The following SDK1 variants were observed in gnomAD, a reference collection of about 807,000 sequenced individuals.
SDK1 encodes the protein sidekick cell adhesion molecule 1.
Under a neutral mutation model 245.5 loss-of-function variants are expected in SDK1, and 157 were observed. The ratio of observed to expected loss-of-function variants is 0.64; its 90% CI spans 0.56 to 0.73. The LOEUF (loss-of-function observed/expected upper bound fraction) is 0.73, where lower values mean the gene tolerates loss of function less well. SDK1 is among the 30% of genes least tolerant of loss of function. SDK1 has a pLI of 0.00. For synonymous variants in SDK1, 1,647 were observed against 1,278.5 expected (o/e 1.29, Z -6.15); for missense variants, 3,583 against 3,002.3 (o/e 1.19, Z -4.52).
At chr7:3,960,749 G>A (rs1326037104) in intron 8 of SDK1, among the ~76,000 whole-genome samples, 3 of 152,182 alleles carry the variant, frequency 2.0e-5, no homozygotes, top group Non-Finnish European at 2.9e-5. Flanking sequence ...GCATAGGGGA[G>A]GGGGAAAAAG....
intron 1 of SDK1, among the ~76,000 whole-genome samples, chr7:3,370,958 G>A (rs1307316489): frequency 6.6e-6 from 1 of 152,040 alleles, no homozygotes; most frequent in African/African-American, 2.4e-5. Flanking sequence ...ATGCAGCCCC[G>A]CAGCAGGAGG....
chr7:3,397,574 C>G (rs1057232097), intron 1 of SDK1, among the ~76,000 whole-genome samples: 2 of 151,700 alleles, frequency 1.3e-5, no homozygotes, highest in South Asian at 2.1e-4. Context: ...AGAGGATTCC[C>G]TGTAATATGC....
chr7:3,515,211 C>G (rs957554423), intron 1 of SDK1, among the ~76,000 whole-genome samples: 3 of 152,144 alleles, frequency 2.0e-5, no homozygotes, highest in Non-Finnish European at 4.4e-5. Flanking sequence ...CAACTGAATA[C>G]TGACTCTGAG....
At chr7:4,236,561 C>G (rs1010514810) in intron 41 of SDK1, among the ~76,000 whole-genome samples, 8 of 152,042 alleles carry the variant, frequency 5.3e-5, no homozygotes, top group Non-Finnish European at 8.8e-5. Flanking sequence ...ACACACAGTG[C>G]GTGTTTGCGG....
rs140842734 is a variant in SDK1 at position 3,558,447 on chromosome 7, G to C, written c.299-60633G>C. 2.6e-5 allele frequency among the ~76,000 whole-genome samples: 4 copies of C among 152,332 alleles called. No homozygotes were observed. In the East Asian group the frequency reaches 7.7e-4, roughly 29 times the overall value. On this transcript the variant is annotated intron_variant, in intron 1 of 44. Transcript: ENST00000404826. ...TGAAGGAAATAACTTCTGTATTCCA[G>C]GATTTGTTTGAAAAGATCATAGAGA...
At chr7:3,977,091 T>TGAGGCTGC (rs1782997136) in intron 13 of SDK1, among the ~76,000 whole-genome samples, 1 of 15,842 alleles carries the variant, frequency 6.3e-5, no homozygotes, top group Non-Finnish European at 1.1e-4. Flanking sequence ...GTCCCGGGGC[T>TGAGGCTGC]GAGGCTGCCA....
In SDK1 at chr7:3,571,793, C is replaced by T; in HGVS notation, c.299-47287C>T. Reference sequence around the variant, plus strand: ...AATTTTTAACTTGGATGGAGCAGTTCCAGCATGAGTTATGACGAAGTGTCT... The same window carrying T: ...AATTTTTAACTTGGATGGAGCAGTTTCAGCATGAGTTATGACGAAGTGTCT... On this transcript the variant is annotated intron_variant, in intron 1 of 44. Coordinates refer to ENST00000404826, the MANE Select transcript of SDK1 (RefSeq NM_152744.4). Among the ~76,000 whole-genome samples the T allele has an allele frequency of 1.3e-5, 2 of 151,956 alleles. 1 individual carries two copies. Among genetic ancestry groups the T allele is most frequent in the Non-Finnish European group, 2.9e-5 (2 of 67,950 alleles).
intron 1 of SDK1, among the ~76,000 whole-genome samples, chr7:3,306,739 C>G (rs1779426002): frequency 6.6e-6 from 1 of 152,082 alleles, no homozygotes. Context: ...TCCTCAGAGC[C>G]CCTGTATTGC....
chr7:4,058,621 A>C, intron 19 of SDK1, among the ~76,000 whole-genome samples: 1 of 152,220 alleles, frequency 6.6e-6, no homozygotes, highest in East Asian at 1.9e-4. Context: ...CTCACTTATA[A>C]GAGAACCCCC....
chr7:3,647,193 G>T (rs905347264), intron 4 of SDK1, among the ~76,000 whole-genome samples: 7 of 152,254 alleles, frequency 4.6e-5, no homozygotes, highest in African/African-American at 1.7e-4. Context: ...TGAAGCTGCA[G>T]TGAGCTGTGA....
intron 28 of SDK1, among the ~76,000 whole-genome samples, chr7:4,136,882 C>T (rs189320683): frequency 6.6e-6 from 1 of 152,362 alleles, no homozygotes; most frequent in East Asian, 1.9e-4. Flanking sequence ...ATCCCCAGCC[C>T]TTGGATGGAT....
At chr7:4,144,107 C>G (rs965876199) in intron 28 of SDK1, among the ~76,000 whole-genome samples, 5 of 149,978 alleles carry the variant, frequency 3.3e-5, no homozygotes, top group African/African-American at 1.2e-4. Flanking sequence ...TCCCTACTCT[C>G]ACTACACAGG....
At chr7:3,850,515 C>G (rs1245157584) in intron 5 of SDK1, among the ~76,000 whole-genome samples, 1 of 152,048 alleles carries the variant, frequency 6.6e-6, no homozygotes, top group Non-Finnish European at 1.5e-5. Context: ...GGGTATATAC[C>G]CAAATGATTA....
intron 4 of SDK1, among the ~76,000 whole-genome samples, chr7:3,781,274 C>G (rs376619708): frequency 2.6e-5 from 4 of 152,102 alleles, no homozygotes; most frequent in Non-Finnish European, 5.9e-5. Flanking sequence ...ACTTAGCCAG[C>G]AATCTCATCA....
chr7:3,733,060 T>G (rs1378927593), intron 4 of SDK1, among the ~76,000 whole-genome samples: 1 of 152,222 alleles, frequency 6.6e-6, no homozygotes, highest in African/African-American at 2.4e-5. Context: ...TCATTATTGC[T>G]TATCACCAAT....
At chr7:3,587,999 G>A (rs1038710961) in intron 1 of SDK1, among the ~76,000 whole-genome samples, 1 of 152,180 alleles carries the variant, frequency 6.6e-6, no homozygotes. Flanking sequence ...GAAAAGCTGC[G>A]GGTAAATCAA....
At chr7:3,836,998 G>T (rs1261384534) in intron 5 of SDK1, among the ~76,000 whole-genome samples, 1 of 152,112 alleles carries the variant, frequency 6.6e-6, no homozygotes, top group Non-Finnish European at 1.5e-5. Context: ...GCTTTAGAGA[G>T]CTCTGGTGTC....
At chr7:3,736,695 G>C (rs972891323) in intron 4 of SDK1, among the ~76,000 whole-genome samples, 3 of 152,138 alleles carry the variant, frequency 2.0e-5, no homozygotes, top group South Asian at 2.1e-4. Flanking sequence ...AAGGTATACA[G>C]CGTGATGCTT....
Position 4,120,235 on chromosome 7 carries a change from C to A in SDK1, c.3823+5961C>A, listed in dbSNP as rs1202568614. Among the ~76,000 whole-genome samples, 4 of 148,890 alleles carry A rather than the reference C, an allele frequency of 2.7e-5. No homozygotes were observed. The East Asian group carries it at 7.7e-4, about 29-fold the overall frequency. On this transcript the variant is annotated intron_variant, in intron 25 of 44. Coordinates refer to ENST00000404826, the MANE Select transcript of SDK1 (RefSeq NM_152744.4). ...ACACAGAGATAATAGCCGAGAAATT[C>A]CAGGGTTGATGGAAAGCATTATTTA...
Sources: allele counts gnomAD v4.1 joint callset (sites outside exome capture counted in the v4.1 genomes callset), GRCh38; gene constraint gnomAD v4.1.1; transcripts MANE v1.5; gene names NCBI Gene and HGNC (gene_info 2026-07-23, HGNC 2026-07-21).